Variants in LRRC4C observed in about 807,000 individuals in gnomAD.
LRRC4C encodes the protein leucine rich repeat containing 4C.
Under a neutral mutation model 33.6 loss-of-function variants are expected in LRRC4C, and 5 were observed. That is an observed-to-expected ratio of 0.15 (90% CI 0.08 to 0.31). The LOEUF (loss-of-function observed/expected upper bound fraction) is 0.31, where lower values mean the gene tolerates loss of function less well. LRRC4C is among the 10% of genes least tolerant of loss of function. The probability of loss-of-function intolerance (pLI) is 1.00; values close to 1 mark genes in which losing one functional copy is unlikely to be tolerated. For synonymous variants in LRRC4C, 329 were observed against 302.0 expected, an observed-to-expected ratio of 1.09 and a Z score of -0.93; for missense variants, 560 against 796.7, an observed-to-expected ratio of 0.70 and a Z score of 3.58.
At chr11:40,781,104 T>C (rs1394722636) in intron 2 of LRRC4C, among the ~76,000 whole-genome samples, 1 of 152,148 alleles carries the variant, frequency 6.6e-6, no homozygotes, top group Admixed American at 6.5e-5. Flanking sequence ...CTATTATTTC[T>C]AGTCTACCAA....
At chr11:41,249,147 G>T (rs2136626062) in intron 1 of LRRC4C, among the ~76,000 whole-genome samples, 1 of 151,252 alleles carries the variant, frequency 6.6e-6, no homozygotes, top group South Asian at 2.1e-4. Context: ...CCATTCTCCT[G>T]CCTCAGCCTC....
intron 1 of LRRC4C, among the ~76,000 whole-genome samples, chr11:40,982,995 G>T (rs1852648849): frequency 6.6e-6 from 1 of 152,058 alleles, no homozygotes; most frequent in South Asian, 2.1e-4. Flanking sequence ...CTTGAGAAGG[G>T]CATAATCTTG....
Position 41,441,732 on chromosome 11 carries a change from T to C in LRRC4C, c.-496+17699A>G, listed in dbSNP as rs576397316. Among the ~76,000 whole-genome samples the C allele has an allele frequency of 2.0e-5, 3 of 151,494 alleles. No homozygotes were observed. The South Asian group carries it at 6.2e-4, about 31-fold the overall frequency. ...CAGCAATTATCTGGCAACAAAGAAATAAAGGCCAACAGGGCTCCCACCCTT... is the reference window on the plus strand; with the variant it reads ...CAGCAATTATCTGGCAACAAAGAAACAAAGGCCAACAGGGCTCCCACCCTT... On this transcript the variant is annotated intron_variant, in intron 1 of 6. Coordinates refer to ENST00000528697, the MANE Select transcript of LRRC4C (RefSeq NM_001258419.2).
chr11:40,675,391 G>T (rs1057065314), intron 2 of LRRC4C, among the ~76,000 whole-genome samples: 4 of 152,162 alleles, frequency 2.6e-5, no homozygotes, highest in African/African-American at 4.8e-5. Flanking sequence ...AATTGGATCA[G>T]CCCTGGTCAC....
At chr11:40,951,617 C>T (rs1046367762) in intron 1 of LRRC4C, among the ~76,000 whole-genome samples, 3 of 151,876 alleles carry the variant, frequency 2.0e-5, no homozygotes, top group African/African-American at 7.3e-5. Flanking sequence ...CATTTTAAAT[C>T]TCTGGAGCAT....
At chr11:40,529,886 A>T (rs573656161) in intron 3 of LRRC4C, among the ~76,000 whole-genome samples, 3 of 152,220 alleles carry the variant, frequency 2.0e-5, no homozygotes, top group South Asian at 4.1e-4. Context: ...ATCCTGCTTT[A>T]GTTGCTTTAC....
intron 1 of LRRC4C, among the ~76,000 whole-genome samples, chr11:41,114,103 A>G (rs1402715186): frequency 6.6e-6 from 1 of 152,104 alleles, no homozygotes; most frequent in East Asian, 1.9e-4. Context: ...ATTTATCAAT[A>G]TAGGACCTTA....
intron 1 of LRRC4C, among the ~76,000 whole-genome samples, chr11:40,945,103 C>G (rs1958337055): frequency 6.7e-6 from 1 of 149,898 alleles, no homozygotes; most frequent in Admixed American, 6.7e-5. Context: ...TCTCGGCACA[C>G]TGCAAGCTCT....
chr11:40,442,477 T>A (rs901844491), intron 3 of LRRC4C, among the ~76,000 whole-genome samples: 1 of 152,046 alleles, frequency 6.6e-6, no homozygotes, highest in South Asian at 2.1e-4. Context: ...TATAAATAAT[T>A]GAAATGTGAT....
chr11:40,526,486 TCC>T (rs57577780), intron 3 of LRRC4C, among the ~76,000 whole-genome samples: 13,314 of 152,036 alleles, frequency 0.088, 1,644 homozygotes, highest in African/African-American at 0.28. Flanking sequence ...GACACTCAAC[TCC>T]ATTAGTCACC....
chr11:41,426,325 T>A (rs982653292), intron 1 of LRRC4C: 5 of 152,232 alleles, frequency 3.3e-5, no homozygotes, highest in African/African-American at 9.6e-5. Context: ...TGATCTGGCA[T>A]CCTGGACTCC....
chr11:41,346,003 A>G (rs918489574), intron 1 of LRRC4C, among the ~76,000 whole-genome samples: 9 of 152,144 alleles, frequency 5.9e-5, no homozygotes, highest in Non-Finnish European at 1.2e-4. Flanking sequence ...GTGACAAACT[A>G]AGTATTCTAA....
intron 2 of LRRC4C, among the ~76,000 whole-genome samples, chr11:40,802,879 G>C (rs1951096455): frequency 6.6e-6 from 1 of 152,154 alleles, no homozygotes; most frequent in South Asian, 2.1e-4. Context: ...CCATCACAGT[G>C]GTTGAAGAAA....
intron 4 of LRRC4C, among the ~76,000 whole-genome samples, chr11:40,282,746 A>G (rs937127997): frequency 1.3e-5 from 2 of 152,168 alleles, no homozygotes; most frequent in Non-Finnish European, 2.9e-5. Flanking sequence ...ACTTTCCTTC[A>G]TGTGATCCAG....
At chr11:40,517,929 C>T (rs1955639793) in intron 3 of LRRC4C, among the ~76,000 whole-genome samples, 1 of 152,050 alleles carries the variant, frequency 6.6e-6, no homozygotes, top group African/African-American at 2.4e-5. Flanking sequence ...ACCAATAGAA[C>T]AGAACAGAGG....
intron 2 of LRRC4C, among the ~76,000 whole-genome samples, chr11:40,783,569 C>T (rs2137299020): frequency 6.6e-6 from 1 of 152,204 alleles, no homozygotes; most frequent in South Asian, 2.1e-4. Flanking sequence ...ACCTCAGCCT[C>T]CCAAAGTGCT....
chr11:40,586,621 G>A (rs1244505055), intron 3 of LRRC4C, among the ~76,000 whole-genome samples: 1 of 149,312 alleles, frequency 6.7e-6, no homozygotes, highest in African/African-American at 2.5e-5. Context: ...TAACATTTAA[G>A]TCTTTAATCC....
chr11:40,545,422 T>C (rs1270915397), intron 3 of LRRC4C, among the ~76,000 whole-genome samples: 1 of 152,022 alleles, frequency 6.6e-6, no homozygotes, highest in Non-Finnish European at 1.5e-5. Context: ...GAATATGTAC[T>C]ATAATTTATA....
At chr11:40,500,315 C>T (rs1453045760) in intron 3 of LRRC4C, among the ~76,000 whole-genome samples, 9 of 147,086 alleles carry the variant, frequency 6.1e-5, no homozygotes, top group East Asian at 4.0e-4. Flanking sequence ...CACACACACA[C>T]ACACACACAC....
Sources: gnomAD v4.1 joint callset for allele counts (sites outside exome capture counted in the v4.1 genomes callset) on GRCh38, gnomAD v4.1.1 for gene constraint, MANE v1.5 for transcripts, NCBI Gene and HGNC (gene_info 2026-07-23, HGNC 2026-07-21) for gene names.